SPOCK1: variants seen among roughly 807,000 people sequenced by gnomAD.
SPOCK1 encodes SPARC (osteonectin), cwcv and kazal like domains proteoglycan 1.
Under a neutral mutation model 55.3 loss-of-function variants are expected in SPOCK1, and 23 were observed. That is an observed-to-expected ratio of 0.42 (90% CI 0.30 to 0.59). The LOEUF (loss-of-function observed/expected upper bound fraction) is 0.59, where lower values mean the gene tolerates loss of function less well. Among genes scored for constraint, SPOCK1 ranks in the 20% least tolerant of loss-of-function variants. The pLI is 0.22. For missense variants in SPOCK1, 499 were observed against 552.5 expected (o/e 0.90, Z 0.97); for synonymous variants, 226 against 221.0 (o/e 1.02, Z -0.20).
intron 2 of SPOCK1, among the ~76,000 whole-genome samples, chr5:137,476,535 T>C (rs1753841064): frequency 1.3e-5 from 2 of 152,210 alleles, no homozygotes. Context: ...TAACATTTTC[T>C]AGGGGTGTCA....
chr5:137,178,978 AC>A (rs1328217501), intron 3 of SPOCK1, among the ~76,000 whole-genome samples: 4 of 152,210 alleles, frequency 2.6e-5, no homozygotes. Flanking sequence ...TACTTGGATA[AC>A]AATGGTGTGT....
intron 3 of SPOCK1, among the ~76,000 whole-genome samples, chr5:137,183,650 T>C (rs1470132941): frequency 6.6e-6 from 1 of 152,168 alleles, no homozygotes; most frequent in African/African-American, 2.4e-5. Context: ...CTGCTGTGGG[T>C]CATCAGCTAC....
chr5:137,107,405 G>A (rs533723981), intron 5 of SPOCK1, among the ~76,000 whole-genome samples: 12 of 152,280 alleles, frequency 7.9e-5, no homozygotes, highest in Admixed American at 2.0e-4. Context: ...GAAGCCAAGC[G>A]AAGGGTCAGA....
chr5:137,239,793 G>A (rs112075340), intron 3 of SPOCK1, among the ~76,000 whole-genome samples: 388 of 152,234 alleles, frequency 2.5e-3, no homozygotes, highest in African/African-American at 8.8e-3. Flanking sequence ...TACCATCATT[G>A]TTAACTTACA....
At chr5:137,110,528 C>T (rs1182791697) in intron 5 of SPOCK1, among the ~76,000 whole-genome samples, 2 of 152,166 alleles carry the variant, frequency 1.3e-5, no homozygotes, top group African/African-American at 4.8e-5. Flanking sequence ...CCTTTAAATC[C>T]ACCACTCCAG....
In SPOCK1 at chr5:136,978,521, C is replaced by T; in HGVS notation, c.*133G>A. 1 of 873,110 alleles carries T rather than the reference C, an allele frequency of 1.1e-6. No homozygotes were observed. Among genetic ancestry groups the T allele is most frequent in the South Asian group, 2.7e-5 (1 of 36,596 alleles). The allele number at this position is 873,110 out of a possible 1,614,324, so 54.1% of individuals were successfully genotyped here. A position where few individuals can be genotyped will look rare whatever the true frequency, so the allele number is the denominator to read the frequency against. On this transcript the variant is annotated 3_prime_UTR_variant, in exon 11 of 11. Transcript: ENST00000394945. ...TCCTCTGGGAACAAGCAGTTGTCTT[C>T]CAAACCTTAGGTCGGGTATAGAGAG...
At chr5:137,302,930 A>T (rs1757630844) in intron 2 of SPOCK1, among the ~76,000 whole-genome samples, 1 of 152,076 alleles carries the variant, frequency 6.6e-6, no homozygotes, top group South Asian at 2.1e-4. Flanking sequence ...CAAAGTAGGG[A>T]CTCAATACAT....
intron 2 of SPOCK1, among the ~76,000 whole-genome samples, chr5:137,423,552 C>T (rs923429486): frequency 3.9e-5 from 6 of 152,172 alleles, no homozygotes; most frequent in South Asian, 4.1e-4. Context: ...TAGCAATGAG[C>T]GAGGCTCCAT....
chr5:137,489,297 G>A (rs923256740), intron 2 of SPOCK1, among the ~76,000 whole-genome samples: 1 of 152,134 alleles, frequency 6.6e-6, no homozygotes, highest in East Asian at 1.9e-4. Flanking sequence ...ACAGTGGAAG[G>A]GGAAAAGGTA....
intron 2 of SPOCK1, chr5:137,313,438 G>C: frequency 5.1e-6 from 5 of 985,382 alleles, no homozygotes; most frequent in Non-Finnish European, 6.0e-6. Flanking sequence ...CTGCTGCAAG[G>C]GGTGGTCTCA....
chr5:137,039,294 TTTTTG>T (rs1356228137), intron 6 of SPOCK1, among the ~76,000 whole-genome samples: 3 of 136,636 alleles, frequency 2.2e-5, no homozygotes, highest in Non-Finnish European at 3.1e-5. Context: ...TTTTTTTTTT[TTTTTG>T]TTGTTGCAAC....
At chr5:137,014,498 T>C (rs1200998087) in intron 6 of SPOCK1, among the ~76,000 whole-genome samples, 5 of 152,308 alleles carry the variant, frequency 3.3e-5, no homozygotes, top group South Asian at 2.1e-4. Context: ...AGTGGAAATC[T>C]TTCGGCATCA....
chr5:137,235,386 A>G (rs562735905), intron 3 of SPOCK1, among the ~76,000 whole-genome samples: 6 of 152,252 alleles, frequency 3.9e-5, no homozygotes, highest in Non-Finnish European at 8.8e-5. Flanking sequence ...CTCATGAGTC[A>G]TAAGTAGAAC....
At chr5:137,179,738 T>C (rs1167402830) in intron 3 of SPOCK1, among the ~76,000 whole-genome samples, 1 of 152,134 alleles carries the variant, frequency 6.6e-6, no homozygotes, top group Non-Finnish European at 1.5e-5. Context: ...ACCTAATGAC[T>C]TGCCAGTCAT....
At chr5:137,424,050 T>C (rs1371143881) in intron 2 of SPOCK1, among the ~76,000 whole-genome samples, 2 of 152,184 alleles carry the variant, frequency 1.3e-5, no homozygotes, top group Admixed American at 1.3e-4. Context: ...GTCTATCCTT[T>C]TCTCCAGTGA....
intron 3 of SPOCK1, among the ~76,000 whole-genome samples, chr5:137,177,539 T>A (rs955914675): frequency 6.6e-6 from 1 of 151,844 alleles, no homozygotes. Context: ...AAAGAGAAGA[T>A]CAGATCAGAA....
At chr5:137,430,012 C>T (rs931390189) in intron 2 of SPOCK1, among the ~76,000 whole-genome samples, 2 of 152,190 alleles carry the variant, frequency 1.3e-5, no homozygotes, top group Non-Finnish European at 1.5e-5. Context: ...TCAATCCAGG[C>T]CAGAATAGCA....
At position 137,168,563 on chromosome 5, in the gene SPOCK1, C is replaced by T. The variant is rs929811115; in HGVS notation, c.233-27869G>A. ...GCAAAAGATCTGAATAAACATTTCT[C>T]AAAAGAAGACTATACAAATGGCAAG... is the stretch of plus-strand genomic sequence containing the variant. On this transcript the variant is annotated intron_variant, in intron 3 of 10. Coordinates refer to ENST00000394945, the MANE Select transcript of SPOCK1 (RefSeq NM_004598.4). 7.2e-5 allele frequency among the ~76,000 whole-genome samples: 11 copies of T among 152,032 alleles called. No individual in the cohort carries two copies. In the South Asian group the frequency reaches 8.3e-4, roughly 11 times the overall value.
intron 3 of SPOCK1, among the ~76,000 whole-genome samples, chr5:137,179,094 T>G (rs968037484): frequency 1.1e-4 from 16 of 152,200 alleles, no homozygotes; most frequent in Non-Finnish European, 2.4e-4. Flanking sequence ...GATGTTATTT[T>G]TCCTCCGACA....
Sources: allele counts gnomAD v4.1 joint callset (sites outside exome capture counted in the v4.1 genomes callset), GRCh38; gene constraint gnomAD v4.1.1; transcripts MANE v1.5; gene names NCBI Gene and HGNC (gene_info 2026-07-23, HGNC 2026-07-21).